The following SLC22A2 variants were observed in gnomAD, a reference collection of about 807,000 sequenced individuals.
The protein encoded by SLC22A2 is solute carrier family 22 member 2.
In SLC22A2, 46 loss-of-function variants were observed where a neutral mutation model predicts 60.5. The ratio of observed to expected loss-of-function variants is 0.76; its 90% CI spans 0.60 to 0.97. The LOEUF (loss-of-function observed/expected upper bound fraction) is 0.97, where lower values mean the gene tolerates loss of function less well. SLC22A2 is among the 50% of genes least tolerant of loss of function. The pLI is 0.00. For missense variants in SLC22A2, 701 were observed against 706.6 expected, an observed-to-expected ratio of 0.99 and a Z score of 0.09; for synonymous variants, 303 against 267.0, an observed-to-expected ratio of 1.13 and a Z score of -1.31.
At position 160,241,594 on chromosome 6, in the gene SLC22A2, G is replaced by A. The variant is rs765933667; in HGVS notation, c.1389-8C>T. ...ATGTGGACGCCAAGATTCCTAGAAT[G>A]CAGGAAACTGATTTAACTTGTTAAC... On this transcript the variant is annotated splice_region_variant and splice_polypyrimidine_tract_variant and intron_variant, in intron 8 of 10. Coordinates refer to ENST00000366953, the MANE Select transcript of SLC22A2 (RefSeq NM_003058.4). 4.4e-6 allele frequency: 7 copies of A among 1,577,280 alleles called. No individual in the cohort carries two copies. Among genetic ancestry groups the A allele is most frequent in the Non-Finnish European group, 6.1e-6 (7 of 1,146,902 alleles).
intron 9 of SLC22A2, among the ~76,000 whole-genome samples, chr6:160,237,377 A>G (rs762009835): frequency 6.6e-5 from 10 of 152,120 alleles, no homozygotes; most frequent in Non-Finnish European, 1.0e-4. Context: ...CTCTTTGTGT[A>G]GGAATACACA....
At chr6:160,257,603 C>T (rs1783295065) in intron 1 of SLC22A2, 1 of 152,178 alleles carries the variant, frequency 6.6e-6, no homozygotes, top group South Asian at 2.1e-4. Context: ...TAGACTCTAC[C>T]TACCCATCTG....
At chr6:160,255,051 A>G (rs1783247423) in intron 2 of SLC22A2, among the ~76,000 whole-genome samples, 2 of 152,218 alleles carry the variant, frequency 1.3e-5, no homozygotes, top group South Asian at 2.1e-4. Context: ...AGAGCTGCCC[A>G]GGGGTGCAAG....
At chr6:160,223,582 C>G (rs1298002732) in intron 10 of SLC22A2, among the ~76,000 whole-genome samples, 1 of 152,088 alleles carries the variant, frequency 6.6e-6, no homozygotes, top group Admixed American at 6.5e-5. Flanking sequence ...TGTTCTAATT[C>G]ATGGTCATTT....
rs369317372 is a variant in SLC22A2 at position 160,252,083 on chromosome 6, C to T, written c.519-1381G>A. 1.4e-3 allele frequency among the ~76,000 whole-genome samples: 216 copies of T among 152,238 alleles called. 5 individuals carry two copies. The South Asian group carries it at 0.043, about 30-fold the overall frequency. On this transcript the variant is annotated intron_variant, in intron 2 of 10. Transcript: ENST00000366953. ...ACCTATCAACCCATCACCTAGGTAA[C>T]GATGTAATTTCTTAATTCTCAGTCA...
At chr6:160,226,659 G>A (rs1782730045) in intron 9 of SLC22A2, among the ~76,000 whole-genome samples, 1 of 152,168 alleles carries the variant, frequency 6.6e-6, no homozygotes, top group Non-Finnish European at 1.5e-5. Flanking sequence ...TCAGGAGGCT[G>A]CCTGATTCTC....
chr6:160,227,703 G>C (rs139531509), intron 9 of SLC22A2, among the ~76,000 whole-genome samples: 1 of 152,312 alleles, frequency 6.6e-6, no homozygotes, highest in East Asian at 1.9e-4. Flanking sequence ...CTCTTGAATA[G>C]GGACTGGGTA....
Position 160,258,610 on chromosome 6 carries a change from G to A in SLC22A2, c.148C>T (p.Arg50Cys), listed in dbSNP as rs760698855. ...IVFLGFTPDHRCRSPGVAELS... is the reference protein window; with the variant it reads ...IVFLGFTPDHCCRSPGVAELS... ...TCGGCCACTCCGGGGCTCCGGCAGC[G>A]GTGGTCAGGGGTGAAGCCCAGGAAG... is the stretch of plus-strand genomic sequence containing the variant. Residue 50 changes from arginine (R) to cysteine (C), a missense_variant, in exon 1 of 11, where the codon CGC (arginine) becomes TGC (cysteine). Arg to Cys is a radical substitution (Grantham distance 180, BLOSUM62 -3). Coordinates refer to ENST00000366953, the MANE Select transcript of SLC22A2 (RefSeq NM_003058.4). 5 of 1,613,858 alleles carry A rather than the reference G, an allele frequency of 3.1e-6. No homozygotes were observed. The Admixed American group carries it at 5.0e-5, about 16-fold the overall frequency.
Position 160,247,245 on chromosome 6 carries a change from G to C in SLC22A2, c.896C>G (p.Ala299Gly). The C allele has an allele frequency of 6.2e-7, 1 of 1,613,784 alleles. No individual in the cohort carries two copies. The highest frequency in any genetic ancestry group is 8.5e-7 in the Non-Finnish European group (1 of 1,179,706). ...TGCGATGTGCTTAATGATTCTCATG[G>C]CTTCAGCATTCTTATTCTGGGAGAT... ...WLISQNKNAEAMRIIKHIAKK... is the reference protein window; with the variant it reads ...WLISQNKNAEGMRIIKHIAKK... The change falls in exon 5 of 11, where the codon GCC (alanine) becomes GGC (glycine). Residue 299 changes from alanine to glycine, a missense_variant. Transcript: ENST00000366953.
At chr6:160,243,389 C>A (rs1458496831) in intron 7 of SLC22A2, among the ~76,000 whole-genome samples, 183 bp downstream of exon 7, 1 of 151,942 alleles carries the variant, frequency 6.6e-6, no homozygotes, top group Non-Finnish European at 1.5e-5. Flanking sequence ...AAATTGGGTA[C>A]AATTTTTCCT....
Position 160,229,348 on chromosome 6 carries a change from A to G in SLC22A2, c.1502-4544T>C, listed in dbSNP as rs997627325. On this transcript the variant is annotated intron_variant, in intron 9 of 10. Coordinates refer to ENST00000366953, the MANE Select transcript of SLC22A2 (RefSeq NM_003058.4). ...CGTAGAGACAGAGATGATGCATTTT[A>G]TCTGTGGACCTGAAGCTCCAGCACC... Among the ~76,000 whole-genome samples, 5 of 151,784 alleles carry G rather than the reference A, an allele frequency of 3.3e-5. 1 individual carries two copies. Among genetic ancestry groups the G allele is most frequent in the African/African-American group, 1.2e-4 (5 of 41,110 alleles).
chr6:160,237,171 T>G (rs1782924187), intron 9 of SLC22A2, among the ~76,000 whole-genome samples: 1 of 152,186 alleles, frequency 6.6e-6, no homozygotes, highest in Non-Finnish European at 1.5e-5. Context: ...TTCCTGCAGT[T>G]CAGAAGAAAC....
At chr6:160,238,534 GCT>G (rs1782949062) in intron 9 of SLC22A2, among the ~76,000 whole-genome samples, 1 of 152,172 alleles carries the variant, frequency 6.6e-6, no homozygotes, top group African/African-American at 2.4e-5. Context: ...TTTTTCCAGT[GCT>G]CTTTCAGCCA....
intron 9 of SLC22A2, among the ~76,000 whole-genome samples, chr6:160,231,413 C>T (rs757123702): frequency 6.6e-5 from 10 of 151,782 alleles, no homozygotes; most frequent in Non-Finnish European, 1.0e-4. Flanking sequence ...TCTACTCCCT[C>T]CCTGGCAACC....
intron 9 of SLC22A2, among the ~76,000 whole-genome samples, chr6:160,231,417 G>A (rs558602959): frequency 6.6e-6 from 1 of 151,584 alleles, no homozygotes; most frequent in South Asian, 2.1e-4. Flanking sequence ...CTCCCTCCCT[G>A]GCAACCGATC....
At chr6:160,255,566 G>C (rs975096007) in intron 2 of SLC22A2, among the ~76,000 whole-genome samples, 3 of 151,996 alleles carry the variant, frequency 2.0e-5, no homozygotes, top group Admixed American at 6.6e-5. Flanking sequence ...TATTTTACAT[G>C]TAAATTCATA....
At chr6:160,244,057 C>T in intron 6 of SLC22A2, 6 of 376,718 alleles carry the variant, frequency 1.6e-5, no homozygotes, top group Non-Finnish European at 2.9e-5. Context: ...AATTGAAAGC[C>T]AAGAAGAATG....
intron 10 of SLC22A2, among the ~76,000 whole-genome samples, chr6:160,223,745 G>C (rs1782678415): frequency 6.6e-6 from 1 of 151,534 alleles, no homozygotes; most frequent in Non-Finnish European, 1.5e-5. Flanking sequence ...TTATTTTTTT[G>C]AGACAAGAGT....
chr6:160,250,773 A>G, intron 2 of SLC22A2, 71 bp from the exon 3 acceptor site: 1 of 1,480,700 alleles, frequency 6.8e-7, no homozygotes, highest in South Asian at 1.2e-5. Flanking sequence ...AAATGCATGG[A>G]AGTTATGGAA....
Sources: allele counts gnomAD v4.1 joint callset (sites outside exome capture counted in the v4.1 genomes callset), GRCh38; gene constraint gnomAD v4.1.1; transcripts MANE v1.5; gene names NCBI Gene and HGNC (gene_info 2026-07-23, HGNC 2026-07-21).